The following CELF2 variants were observed in gnomAD, a reference collection of about 807,000 sequenced individuals.
CELF2 encodes the protein CUGBP Elav-like family member 2.
A neutral mutation model predicts 62.6 loss-of-function variants in CELF2; 8 were observed. The ratio of observed to expected loss-of-function variants is 0.13; its 90% CI spans 0.07 to 0.23. The LOEUF is 0.23. CELF2 is among the 10% of genes least tolerant of loss of function. The probability of loss-of-function intolerance (pLI) is 1.00; values close to 1 mark genes in which losing one functional copy is unlikely to be tolerated. For missense variants in CELF2, 333 were observed against 671.0 expected (o/e 0.50, Z 5.56); for synonymous variants, 258 against 250.0 (o/e 1.03, Z -0.30).
the CELF2 span, among the ~76,000 whole-genome samples, chr10:10,573,247 A>G: frequency 2.0e-5 from 3 of 151,996 alleles, no homozygotes; most frequent in South Asian, 6.2e-4. Context: ...TAGATTCTGG[A>G]TATTAAACCT....
At chr10:11,133,460 G>A (rs1042964542) in intron 1 of CELF2, among the ~76,000 whole-genome samples, 3 of 152,148 alleles carry the variant, frequency 2.0e-5, no homozygotes, top group Admixed American at 6.5e-5. Flanking sequence ...CAGTTTAGAG[G>A]CCTGTGCAGT....
At position 11,273,975 on chromosome 10, in the gene CELF2, C is replaced by T. The variant is rs1056954627; in HGVS notation, c.778-1082C>T. 6.3e-4 allele frequency among the ~76,000 whole-genome samples: 91 copies of T among 144,420 alleles called. 1 individual carries two copies. The highest frequency in any genetic ancestry group is 2.3e-3 in the African/African-American group (86 of 37,454). 94.7% of individuals were successfully genotyped at this position (144,420 alleles called of 152,430 possible). On this transcript the variant is annotated intron_variant, in intron 7 of 12. Transcript: ENST00000633077. ...TAACCTCAAGTGATCCCCACCCCCC[C>T]CCCCCACCTTGGCCTCCCAAAGTCC...
intron 2 of CELF2, among the ~76,000 whole-genome samples, chr10:10,988,282 T>C (rs1041530273): frequency 1.3e-4 from 19 of 146,594 alleles, no homozygotes; most frequent in Non-Finnish European, 2.5e-4. Flanking sequence ...TGTGTGTATA[T>C]ATATATATAT....
Position 10,926,361 on chromosome 10 carries a change from G to T in CELF2, c.89+6362G>T, listed in dbSNP as rs181319615. Among the ~76,000 whole-genome samples, 7 of 152,276 alleles carry T rather than the reference G, an allele frequency of 4.6e-5. No homozygotes were observed. In the East Asian group the frequency reaches 1.4e-3, roughly 29 times the overall value. On this transcript the variant is annotated intron_variant, in intron 2 of 13. Coordinates refer to the CELF2 transcript ENST00000636488. ...TCTGCCATGTGAGGACCCAATGTTT[G>T]TCTTCTCTTGCTCTTCTGCTGTCTG...
At chr10:11,086,684 G>A (rs1263267169) in intron 1 of CELF2, among the ~76,000 whole-genome samples, 2 of 147,712 alleles carry the variant, frequency 1.4e-5, no homozygotes, top group African/African-American at 5.0e-5. Flanking sequence ...CATTCAGCAA[G>A]TGCCACAGGG....
the CELF2 span, among the ~76,000 whole-genome samples, chr10:10,705,767 T>C: frequency 3.3e-5 from 5 of 152,208 alleles, no homozygotes; most frequent in Non-Finnish European, 2.9e-5. Flanking sequence ...GTATAACATT[T>C]GGCAACCTCG....
intron 1 of CELF2, among the ~76,000 whole-genome samples, chr10:10,824,419 A>G (rs370429419): frequency 1.3e-4 from 20 of 152,334 alleles, no homozygotes; most frequent in African/African-American, 4.1e-4. Context: ...ATTCAAATGC[A>G]TATCTGGAAC....
chr10:10,890,931 C>G lies in CELF2; in HGVS notation c.54-29033C>G, dbSNP rs536461764. On this transcript the variant is annotated intron_variant, in intron 1 of 13. Transcript: ENST00000636488. ...TCGGGAGGCTGAGGCAGGAGAATCA[C>G]TTGAACCTGGGAGGTGGAGGTTGCA... Among the ~76,000 whole-genome samples, 375 of 152,234 alleles carry G rather than the reference C, an allele frequency of 2.5e-3. 3 individuals carry two copies. The highest frequency in any genetic ancestry group is 3.4e-3 in the Middle Eastern group (1 of 294).
At chr10:11,057,660 A>T (rs1399723809) in intron 1 of CELF2, among the ~76,000 whole-genome samples, 1 of 152,054 alleles carries the variant, frequency 6.6e-6, no homozygotes, top group African/African-American at 2.4e-5. Flanking sequence ...TTTCCCCCCG[A>T]TGAAGTACTT....
chr10:10,835,446 A>C (rs2058207599), intron 1 of CELF2, among the ~76,000 whole-genome samples: 1 of 151,144 alleles, frequency 6.6e-6, no homozygotes. Flanking sequence ...GCAGTGGCGC[A>C]ATCTCGGCTC....
At chr10:10,552,199 T>C in the CELF2 span, among the ~76,000 whole-genome samples, 1 of 152,224 alleles carries the variant, frequency 6.6e-6, no homozygotes, top group Non-Finnish European at 1.5e-5. Flanking sequence ...TGTAAAATAA[T>C]GCTTCATGGC....
chr10:10,632,162 G>C, the CELF2 span, among the ~76,000 whole-genome samples: 3 of 152,132 alleles, frequency 2.0e-5, no homozygotes, highest in East Asian at 5.8e-4. Context: ...ACTAAAACTA[G>C]AGAAGCTGTG....
In CELF2 at chr10:11,086,578, T is replaced by TAAAAAAAAAAAAAA. The variant is rs1168932032; in HGVS notation, c.74+68434_74+68447dup. ...AATCCATGTCTCCATTTGCATTTGT[T>TAAAAAAAAAAAAAA]AAAAAAAAAAAAAAAAAAAAAAAAA... On this transcript the variant is annotated intron_variant, in intron 1 of 12. Coordinates refer to ENST00000633077, the MANE Select transcript of CELF2 (RefSeq NM_001326342.2). Among the ~76,000 whole-genome samples the TAAAAAAAAAAAAAA allele has an allele frequency of 5.0e-4, 36 of 71,968 alleles. 8 individuals are homozygous for TAAAAAAAAAAAAAA. The highest frequency in any genetic ancestry group is 1.9e-3 in the African/African-American group (34 of 18,228). The allele number at this position is 71,968 out of a possible 152,430, so 47.2% of individuals were successfully genotyped here. A position where few individuals can be genotyped will look rare whatever the true frequency, so the allele number is the denominator to read the frequency against.
At chr10:10,988,713 C>G (rs1222759640) in intron 2 of CELF2, among the ~76,000 whole-genome samples, 1 of 151,978 alleles carries the variant, frequency 6.6e-6, no homozygotes, top group Non-Finnish European at 1.5e-5. Context: ...GCTAAAGAAA[C>G]TCTTAGAAAA....
chr10:10,882,733 T>A (rs2133716327), intron 1 of CELF2, among the ~76,000 whole-genome samples: 1 of 152,284 alleles, frequency 6.6e-6, no homozygotes, highest in East Asian at 1.9e-4. Context: ...TTTGGGCCCT[T>A]GATAAATAAA....
chr10:11,293,112 A>G (rs985268855), intron 9 of CELF2, among the ~76,000 whole-genome samples: 1 of 152,126 alleles, frequency 6.6e-6, no homozygotes, highest in African/African-American at 2.4e-5. Flanking sequence ...ACTCGCCCAG[A>G]TCAGGCCACC....
the CELF2 span, among the ~76,000 whole-genome samples, chr10:10,553,231 G>A: frequency 6.6e-6 from 1 of 152,068 alleles, no homozygotes; most frequent in Non-Finnish European, 1.5e-5. Context: ...GTCAGATCTC[G>A]TGAGACTTAA....
rs2083466099 is a variant in CELF2 at position 11,270,577 on chromosome 10, T to C, written c.619-89T>C. 10 of 1,173,836 alleles carry C rather than the reference T, an allele frequency of 8.5e-6. No homozygotes were observed. The highest frequency in any genetic ancestry group is 3.0e-5 in the Admixed American group (1 of 33,446). 72.7% of individuals were successfully genotyped at this position (1,173,836 alleles called of 1,614,324 possible). A position where few individuals can be genotyped will look rare whatever the true frequency, so the allele number is the denominator to read the frequency against. On this transcript the variant is annotated intron_variant, in intron 6 of 12. Coordinates refer to ENST00000633077, the MANE Select transcript of CELF2 (RefSeq NM_001326342.2). This position sits in a 1 kb window ranked among gnomAD's most constrained non-coding sequence, Gnocchi z 5.8. ...GCCCATTCCATGTGCTCCAGGCTAG[T>C]GCAGAAAGGTAGCTCCGGTGCTGAG...
chr10:11,197,058 A>AAAGAAGGAAAGAAGG (rs1250421470), intron 2 of CELF2, among the ~76,000 whole-genome samples: 1 of 71,956 alleles, frequency 1.4e-5, no homozygotes, highest in African/African-American at 5.8e-5. Flanking sequence ...AGAAAGAAAG[A>AAAGAAGGAAAGAAGG]AAAGAAAGAA....
Sources: gnomAD v4.1 joint callset for allele counts (sites outside exome capture counted in the v4.1 genomes callset) on GRCh38, gnomAD v4.1.1 for gene constraint, Gnocchi (gnomAD v3.1) non-coding constraint, MANE v1.5 for transcripts, NCBI Gene and HGNC (gene_info 2026-07-23, HGNC 2026-07-21) for gene names.